The following DCAF10 variants were observed in gnomAD, a reference collection of about 807,000 sequenced individuals.
DCAF10 encodes the protein DDB1- and CUL4-associated factor 10.
Under a neutral mutation model 51.9 loss-of-function variants are expected in DCAF10, and 19 were observed. That is an observed-to-expected ratio of 0.37 (90% CI 0.26 to 0.54). The LOEUF is 0.54. Ranked by LOEUF, DCAF10 falls within the 20% of genes least tolerant of loss-of-function variation. The pLI, the probability that DCAF10 is intolerant of heterozygous loss-of-function variation, is 0.87. For missense variants in DCAF10, 510 were observed against 730.6 expected (o/e 0.70, Z 3.48); for synonymous variants, 291 against 297.1 (o/e 0.98, Z 0.21).
chr9:37,824,422 T>A (rs991406568), intron 2 of DCAF10, among the ~76,000 whole-genome samples: 2 of 151,890 alleles, frequency 1.3e-5, no homozygotes, highest in Admixed American at 1.3e-4. Flanking sequence ...ATTAAATATA[T>A]GTAATGAAAA....
At chr9:37,835,951 G>T in intron 2 of DCAF10, 1 of 995,080 alleles carries the variant, frequency 1.0e-6, no homozygotes, top group Non-Finnish European at 1.6e-6. Flanking sequence ...ACCATTTTTG[G>T]CTATATTGCC....
intron 2 of DCAF10, among the ~76,000 whole-genome samples, chr9:37,825,864 C>CA (rs919905224): frequency 6.6e-6 from 1 of 151,174 alleles, no homozygotes; most frequent in Middle Eastern, 3.4e-3. Flanking sequence ...ACTAAAAATA[C>CA]AAAAAAACAA....
intron 5 of DCAF10, 51 bp downstream of exon 5, chr9:37,857,402 C>A: frequency 7.5e-7 from 1 of 1,339,810 alleles, no homozygotes; most frequent in Admixed American, 2.2e-5. Context: ...TTATGCCAAT[C>A]TGATTAATTA....
In DCAF10 at chr9:37,801,347, G is replaced by T. The variant is rs1464361280; in HGVS notation, c.481G>T (p.Val161Leu). The T allele has an allele frequency of 4.4e-6, 7 of 1,578,444 alleles. No homozygotes were observed. The highest frequency in any genetic ancestry group is 2.6e-6 in the Non-Finnish European group (3 of 1,165,556). Residue 161 changes from valine to leucine, a missense_variant, in exon 1 of 7, where the codon GTG becomes TTG. Coordinates refer to ENST00000377724, the MANE Select transcript of DCAF10 (RefSeq NM_024345.5). This position sits in a 1 kb window ranked among gnomAD's most constrained non-coding sequence, Gnocchi z 5.5. ...CGGTTCCATCCACCCCGCGGACTCGGTGTACCTCAGCACCCGCACCCACGG... is the reference window on the plus strand; with the variant it reads ...CGGTTCCATCCACCCCGCGGACTCGTTGTACCTCAGCACCCGCACCCACGG... ...LYGSIHPADS[V>L]YLSTRTHGAV...
rs1166055399 is a variant in DCAF10, at chr9:37,865,991, G to A, written c.*4483G>A. 1 of 152,602 alleles carries A rather than the reference G, an allele frequency of 6.6e-6. No homozygotes were observed. The highest frequency in any genetic ancestry group is 1.5e-5 in the Non-Finnish European group (1 of 68,032). 9.5% of individuals were successfully genotyped at this position (152,602 alleles called of 1,614,324 possible). A position where few individuals can be genotyped will look rare whatever the true frequency, so the allele number is the denominator to read the frequency against. ...GTGTTTCCCTTATTTGTCAGAATAT[G>A]TGGTAGTGGCATCCATAAGTATCTT... On this transcript the variant is annotated 3_prime_UTR_variant, in exon 7 of 7. Coordinates refer to ENST00000377724, the MANE Select transcript of DCAF10 (RefSeq NM_024345.5).
chr9:37,842,721 G>A (rs1830367494), intron 3 of DCAF10, among the ~76,000 whole-genome samples: 1 of 152,132 alleles, frequency 6.6e-6, no homozygotes. Context: ...AATAAAGCGT[G>A]GGGCAATTTT....
intron 2 of DCAF10, among the ~76,000 whole-genome samples, chr9:37,830,555 T>C (rs1306435196): frequency 2.0e-5 from 3 of 152,170 alleles, no homozygotes; most frequent in Non-Finnish European, 4.4e-5. Flanking sequence ...GGGAAGGGAC[T>C]GGGGAGGGAT....
intron 2 of DCAF10, among the ~76,000 whole-genome samples, chr9:37,840,241 T>C (rs1046101563): frequency 5.3e-5 from 8 of 152,304 alleles, no homozygotes; most frequent in African/African-American, 1.9e-4. Context: ...ATTATTGTTA[T>C]TTTAGAATGT....
At chr9:37,858,566 G>T (rs1830919367) in intron 5 of DCAF10, 1 of 152,200 alleles carries the variant, frequency 6.6e-6, no homozygotes, top group Non-Finnish European at 1.5e-5. Context: ...GCCACAGAGA[G>T]TTAAGAATGA....
Position 37,842,305 on chromosome 9 carries a change from A to G in DCAF10, c.851+19A>G. On this transcript the variant is annotated intron_variant, in intron 3 of 6. Transcript: ENST00000377724. ...CTAACAGGTTTGTGAATAGGAGACCATGTTAGGATTATGAACAAAAACATT... is the reference window on the plus strand; with the variant it reads ...CTAACAGGTTTGTGAATAGGAGACCGTGTTAGGATTATGAACAAAAACATT... 6.2e-7 allele frequency: 1 copy of G among 1,601,890 alleles called. No homozygotes were observed. Among genetic ancestry groups the G allele is most frequent in the Non-Finnish European group, 8.5e-7 (1 of 1,174,404 alleles).
chr9:37,836,824 A>C (rs973753940), intron 2 of DCAF10, among the ~76,000 whole-genome samples: 1 of 151,972 alleles, frequency 6.6e-6, no homozygotes, highest in African/African-American at 2.4e-5. Context: ...CAGATTGAGC[A>C]GTTAAAGTTT....
chr9:37,806,190 G>A (rs1324863760), intron 1 of DCAF10, among the ~76,000 whole-genome samples: 3 of 152,172 alleles, frequency 2.0e-5, no homozygotes, highest in Non-Finnish European at 2.9e-5. Flanking sequence ...GCTGATACTG[G>A]TTCAGCTATA....
At position 37,866,931 on chromosome 9, in the gene DCAF10, T is replaced by G. The variant is rs1335216161; in HGVS notation, c.*5423T>G. 1 of 152,364 alleles carries G rather than the reference T, an allele frequency of 6.6e-6. No individual in the cohort carries two copies. The highest frequency in any genetic ancestry group is 1.5e-5 in the Non-Finnish European group (1 of 68,036). 9.4% of individuals were successfully genotyped at this position (152,364 alleles called of 1,614,324 possible). ...AATTCAGATAGACATAAGAGTATTT[T>G]GGATGCCATTAAACTTTGTCAATAA... On this transcript the variant is annotated 3_prime_UTR_variant, in exon 7 of 7. Transcript: ENST00000377724.
chr9:37,811,915 G>A (rs1284749822), intron 1 of DCAF10, among the ~76,000 whole-genome samples: 1 of 152,176 alleles, frequency 6.6e-6, no homozygotes, highest in African/African-American at 2.4e-5. Context: ...GGCCAGGCAT[G>A]GTGGCGCACC....
intron 1 of DCAF10, among the ~76,000 whole-genome samples, chr9:37,810,793 G>A (rs1829319738): frequency 6.6e-6 from 1 of 152,052 alleles, no homozygotes; most frequent in African/African-American, 2.4e-5. Flanking sequence ...ACTCATGGGT[G>A]GGATAGATGA....
chr9:37,857,604 G>C (rs748940669), intron 5 of DCAF10, among the ~76,000 whole-genome samples: 2 of 152,168 alleles, frequency 1.3e-5, no homozygotes, highest in Non-Finnish European at 2.9e-5. Context: ...CTAGTTTGGA[G>C]AGGAAGTAGT....
intron 2 of DCAF10, among the ~76,000 whole-genome samples, chr9:37,838,937 A>G (rs1200765599): frequency 6.6e-6 from 1 of 152,196 alleles, no homozygotes; most frequent in African/African-American, 2.4e-5. Flanking sequence ...CAGCCATTAA[A>G]CATGATTTTG....
chr9:37,854,659 C>A (rs1166513040), intron 3 of DCAF10, 121 bp from the exon 4 acceptor site: 8 of 825,940 alleles, frequency 9.7e-6, no homozygotes, highest in Admixed American at 2.5e-5. Flanking sequence ...AATTTTGAGC[C>A]CATTGACCAA....
At chr9:37,851,011 A>T (rs1830635493) in intron 3 of DCAF10, among the ~76,000 whole-genome samples, 1 of 151,436 alleles carries the variant, frequency 6.6e-6, no homozygotes, top group South Asian at 2.1e-4. Flanking sequence ...TGGGAGGCCA[A>T]GGCGGGTGGA....
Sources: allele counts gnomAD v4.1 joint callset (sites outside exome capture counted in the v4.1 genomes callset), GRCh38; gene constraint gnomAD v4.1.1; non-coding constraint Gnocchi (gnomAD v3.1); transcripts MANE v1.5; gene names NCBI Gene and HGNC (gene_info 2026-07-23, HGNC 2026-07-21).